GABRG3: variants seen among roughly 807,000 people sequenced by gnomAD.
GABRG3 encodes gamma-aminobutyric acid type A receptor subunit gamma3.
Under a neutral mutation model 48.8 loss-of-function variants are expected in GABRG3, and 25 were observed. The observed-to-expected ratio is 0.51, with a 90% CI of 0.37 to 0.72. The LOEUF is 0.72. Ranked by LOEUF, GABRG3 falls within the 30% of genes least tolerant of loss-of-function variation. The pLI is 0.00. For missense variants in GABRG3, 394 were observed against 577.9 expected (o/e 0.68, Z 3.26); for synonymous variants, 227 against 217.6 (o/e 1.04, Z -0.38).
intron 3 of GABRG3, among the ~76,000 whole-genome samples, chr15:27,094,748 C>T (rs1897244661): frequency 6.6e-6 from 1 of 152,026 alleles, no homozygotes; most frequent in African/African-American, 2.4e-5. Context: ...ATGCTTTGTG[C>T]AGCATAAACT....
chr15:27,049,117 T>C (rs1445355209), intron 3 of GABRG3, among the ~76,000 whole-genome samples: 2 of 152,218 alleles, frequency 1.3e-5, no homozygotes, highest in South Asian at 2.1e-4. Context: ...TGCATGAGCA[T>C]GCATCTCCTG....
At chr15:27,246,062 G>A (rs1399333098) in intron 3 of GABRG3, among the ~76,000 whole-genome samples, 1 of 151,908 alleles carries the variant, frequency 6.6e-6, no homozygotes, top group African/African-American at 2.4e-5. Context: ...CTGCCACGTG[G>A]ACTCATCACT....
chr15:27,333,389 C>T (rs972166117), intron 5 of GABRG3, among the ~76,000 whole-genome samples: 2 of 152,164 alleles, frequency 1.3e-5, no homozygotes, highest in East Asian at 1.9e-4. Context: ...TTTCAAGCTC[C>T]TAGAGGCCGC....
In GABRG3 at chr15:26,989,499, T is replaced by C. The variant is rs1895209736; in HGVS notation, c.202+12349T>C. On this transcript the variant is annotated intron_variant, in intron 2 of 9. Transcript: ENST00000615808. The stretch of plus-strand genomic sequence containing the variant: ...ATTCAACTTTTTTATTGTTAACTTT[T>C]GTGGGTATATAGTAGGTATTTATGC... Among the ~76,000 whole-genome samples the C allele has an allele frequency of 2.0e-5, 3 of 152,224 alleles. No individual in the cohort carries two copies. In the South Asian group the frequency reaches 6.2e-4, roughly 32 times the overall value.
At chr15:27,105,364 T>C (rs888629407) in intron 3 of GABRG3, among the ~76,000 whole-genome samples, 1 of 152,140 alleles carries the variant, frequency 6.6e-6, no homozygotes, top group Non-Finnish European at 1.5e-5. Flanking sequence ...ATACACTTCC[T>C]GAATTGTCAA....
At chr15:27,277,779 TA>T (rs1891303448) in intron 3 of GABRG3, among the ~76,000 whole-genome samples, 1 of 152,164 alleles carries the variant, frequency 6.6e-6, no homozygotes, top group South Asian at 2.1e-4. Flanking sequence ...TGTTCAACAA[TA>T]AAAAAGGAAG....
intron 5 of GABRG3, among the ~76,000 whole-genome samples, chr15:27,345,956 G>A (rs931238292): frequency 6.6e-6 from 1 of 151,736 alleles, no homozygotes; most frequent in African/African-American, 2.4e-5. Flanking sequence ...AGGAGGCTGA[G>A]GCACAAGAAT....
intron 3 of GABRG3, among the ~76,000 whole-genome samples, chr15:27,242,842 G>A (rs527488809): frequency 1.3e-5 from 2 of 152,276 alleles, no homozygotes; most frequent in African/African-American, 2.4e-5. Context: ...TTAAAATAGA[G>A]CCATTTCTTC....
intron 5 of GABRG3, among the ~76,000 whole-genome samples, chr15:27,345,544 ACT>A (rs1248243958): frequency 6.6e-6 from 1 of 152,242 alleles, no homozygotes; most frequent in African/African-American, 2.4e-5. Flanking sequence ...TTATAATCAC[ACT>A]GTTATAATTA....
At chr15:27,320,903 T>C (rs1269328412) in intron 3 of GABRG3, among the ~76,000 whole-genome samples, 6 of 152,216 alleles carry the variant, frequency 3.9e-5, no homozygotes, top group African/African-American at 7.2e-5. Context: ...AGGGCCTGGG[T>C]TGCATTAACA....
At chr15:27,469,326 C>G (rs1037967384) in intron 5 of GABRG3, among the ~76,000 whole-genome samples, 2 of 152,128 alleles carry the variant, frequency 1.3e-5, no homozygotes, top group Non-Finnish European at 2.9e-5. Flanking sequence ...TCTCTCAAGT[C>G]TCTCTTCTTT....
At chr15:27,313,242 G>A (rs111375125) in intron 3 of GABRG3, among the ~76,000 whole-genome samples, 8,551 of 56,074 alleles carry the variant, frequency 0.15, 1,331 homozygotes, top group African/African-American at 0.43. Context: ...ATGTATATAT[G>A]TGTGTGTGTG....
At chr15:27,302,014 G>C (rs1230555291) in intron 3 of GABRG3, among the ~76,000 whole-genome samples, 1 of 151,968 alleles carries the variant, frequency 6.6e-6, no homozygotes, top group African/African-American at 2.4e-5. Context: ...GGTAAACTAG[G>C]AATCTGACCA....
chr15:27,349,285 T>C (rs1041712110), intron 5 of GABRG3, among the ~76,000 whole-genome samples: 1 of 152,144 alleles, frequency 6.6e-6, no homozygotes, highest in African/African-American at 2.4e-5. Context: ...AATAGGGGCT[T>C]GTAAAGAAGA....
chr15:27,461,476 G>A (rs2150835725), intron 5 of GABRG3, among the ~76,000 whole-genome samples: 1 of 152,264 alleles, frequency 6.6e-6, no homozygotes, highest in Non-Finnish European at 1.5e-5. Flanking sequence ...CTTAAAGATA[G>A]TGCCCACCCA....
intron 3 of GABRG3, among the ~76,000 whole-genome samples, chr15:27,252,849 GAT>G (rs922497476): frequency 8.5e-4 from 129 of 152,346 alleles, no homozygotes; most frequent in Middle Eastern, 3.4e-3. Context: ...ACTGTCTAGT[GAT>G]TTAAAATTCT....
chr15:27,511,493 T>A (rs767395734), intron 6 of GABRG3, among the ~76,000 whole-genome samples: 33 of 152,194 alleles, frequency 2.2e-4, no homozygotes, highest in Admixed American at 2.2e-3. Context: ...AAACACTACA[T>A]CACTATACCT....
chr15:27,496,628 AT>A (rs1346250299), intron 6 of GABRG3, among the ~76,000 whole-genome samples: 1 of 152,156 alleles, frequency 6.6e-6, no homozygotes, highest in African/African-American at 2.4e-5. Context: ...ATGTAGGTTT[AT>A]TAGTTTTATT....
chr15:27,305,264 C>A (rs145421852), intron 3 of GABRG3, among the ~76,000 whole-genome samples: 172 of 151,352 alleles, frequency 1.1e-3, no homozygotes, highest in Non-Finnish European at 1.9e-3. Context: ...TTTAAAACAT[C>A]ATTTAAAATA....
Sources: allele counts gnomAD v4.1 joint callset (sites outside exome capture counted in the v4.1 genomes callset), GRCh38; gene constraint gnomAD v4.1.1; transcripts MANE v1.5; gene names NCBI Gene and HGNC (gene_info 2026-07-23, HGNC 2026-07-21).